TRPM5: variants seen among roughly 807,000 people sequenced by gnomAD.
TRPM5 encodes the protein transient receptor potential cation channel subfamily M member 5, also known as MLSN1 and TRP-related.
In TRPM5, 121 loss-of-function variants were observed where a neutral mutation model predicts 124.9. The ratio of observed to expected loss-of-function variants is 0.97; its 90% CI spans 0.84 to 1.13. TRPM5 has a LOEUF of 1.13. Among genes scored for constraint, TRPM5 ranks in the 50% most tolerant of loss-of-function variants. TRPM5 has a pLI of 0.00. For missense variants in TRPM5, 1,643 were observed against 1,589.1 expected (o/e 1.03, Z -0.58); for synonymous variants, 781 against 700.5 (o/e 1.11, Z -1.81).
intron 5 of TRPM5, 32 bp downstream of exon 10, chr11:2,418,495 G>T (rs769767087): frequency 6.3e-7 from 1 of 1,598,294 alleles, no homozygotes; most frequent in Admixed American, 1.7e-5. Flanking sequence ...ACAAGGCTTC[G>T]GCCAGCCAGG....
At chr11:2,411,851 G>GCAGGGC (rs1288997469) in intron 16 of TRPM5, 84 bp from the exon 22 acceptor site, 13 of 1,540,342 alleles carry the variant, frequency 8.4e-6, no homozygotes, top group Middle Eastern at 2.1e-4. Context: ...CTGGCTGCGG[G>GCAGGGC]CAGGGCCAGG....
At chr11:2,440,472 C>G in the TRPM5 span, among the ~76,000 whole-genome samples, 1 of 152,274 alleles carries the variant, frequency 6.6e-6, no homozygotes, top group East Asian at 1.9e-4. The surrounding 1 kb of genome is among the most constrained non-coding windows in gnomAD (Gnocchi z 5.2). Flanking sequence ...CACCCTGCCC[C>G]ATCTCCTACC....
chr11:2,411,414 C>T lies in TRPM5; in HGVS notation c.2720G>A (p.Arg907His), dbSNP rs1850448110. ...CAGGTAGGGCCGGTAGAGCACCCGG[C>T]GGAAGATCCACTCCAGGCGGCCGTC... is the stretch of plus-strand genomic sequence containing the variant. The change falls in exon 18 of 24, where the codon CGC becomes CAC. Residue 907 changes from arginine (R) to histidine (H), a missense_variant. By Grantham distance (29) the Arg-to-His change is conservative (BLOSUM62 0). Transcript: ENST00000155858. The T allele has an allele frequency of 2.5e-6, 4 of 1,611,982 alleles. No homozygotes were observed. In the African/African-American group the frequency reaches 4.0e-5, roughly 16 times the overall value.
chr11:2,414,694 C>T, intron 11 of TRPM5, 21 bp downstream of exon 16: 4 of 1,524,374 alleles, frequency 2.6e-6, no homozygotes, highest in Non-Finnish European at 3.5e-6. Flanking sequence ...GCGGGCCCGG[C>T]CCCAGCCGCC....
At chr11:2,406,928 G>C in intron 20 of TRPM5, 135 bp from the exon 26 acceptor site, 1 of 1,397,096 alleles carries the variant, frequency 7.2e-7, no homozygotes, top group Non-Finnish European at 9.6e-7. Flanking sequence ...GGGCAAGCAT[G>C]GCCCTGTGCA....
chr11:2,431,279 T>G, the TRPM5 span, among the ~76,000 whole-genome samples: 1 of 152,044 alleles, frequency 6.6e-6, no homozygotes, highest in African/African-American at 2.4e-5. Context: ...ATCCTAGTTC[T>G]GAGAGCGAGG....
At chr11:2,415,917 C>A (rs777778321) in exon 8 of TRPM5, 1 of 1,574,308 alleles carries the variant, frequency 6.4e-7, no homozygotes, top group Admixed American at 1.8e-5. Flanking sequence ...TTCCACTCCA[C>A]GTCCCCATTG....
Position 2,405,595 on chromosome 11 carries a change from T to C in TRPM5, c.3325-2A>G. On this transcript the variant is annotated splice_acceptor_variant, in intron 22 of 23. Coordinates refer to ENST00000155858, the Ensembl canonical transcript of TRPM5. LOFTEE classifies it high-confidence loss of function. The stretch of plus-strand genomic sequence containing the variant: ...CACGAGCACCGAGCAGTAGTTGATC[T>C]GGAGAAGGGAAACACGTCCGGGAAG... 1 of 1,560,736 alleles carries C rather than the reference T, an allele frequency of 6.4e-7. No homozygotes were observed. The highest frequency in any genetic ancestry group is 8.7e-7 in the Non-Finnish European group (1 of 1,151,926).
At chr11:2,443,378 C>CTG in the TRPM5 span, among the ~76,000 whole-genome samples, 74 of 152,334 alleles carry the variant, frequency 4.9e-4, no homozygotes, top group African/African-American at 1.3e-3. The surrounding 1 kb of genome is among the most constrained non-coding windows in gnomAD (Gnocchi z 5.0). Flanking sequence ...TGAATGCGTG[C>CTG]TGTGTGCCCT....
At chr11:2,405,424 C>T in intron 23 of TRPM5, 103 bp downstream of exon 28, 1 of 1,244,740 alleles carries the variant, frequency 8.0e-7, no homozygotes. Flanking sequence ...ACTCCCGGGC[C>T]AGGCAGGGAA....
At chr11:2,420,448 G>C in intron 3 of TRPM5, 43 bp from the exon 9 acceptor site, 1 of 1,487,626 alleles carries the variant, frequency 6.7e-7, no homozygotes, top group Non-Finnish European at 8.9e-7. Context: ...TCGAGAGGCA[G>C]CTTGGGCTGG....
chr11:2,421,917 G>C (rs1347655201), intron 2 of TRPM5, among the ~76,000 whole-genome samples: 1 of 152,130 alleles, frequency 6.6e-6, no homozygotes, highest in East Asian at 1.9e-4. Context: ...TACTGCAGAG[G>C]ACGGGCTGAG....
At chr11:2,416,058 G>T in intron 7 of TRPM5, 34 bp from the exon 13 acceptor site, 1 of 1,510,638 alleles carries the variant, frequency 6.6e-7, no homozygotes. Context: ...TGGTGAGGGT[G>T]GAGCTGAGGG....
chr11:2,424,124 C>A (rs1293766064), upstream of TRPM5, among the ~76,000 whole-genome samples: 1 of 152,264 alleles, frequency 6.6e-6, no homozygotes, highest in Non-Finnish European at 1.5e-5. Context: ...TCCCACAGGG[C>A]TGTCCCTTGG....
At chr11:2,436,676 C>A in the TRPM5 span, among the ~76,000 whole-genome samples, 3 of 152,196 alleles carry the variant, frequency 2.0e-5, no homozygotes, top group South Asian at 2.1e-4. Context: ...AGCAGAGGGG[C>A]CCGTGCTCCT....
upstream of TRPM5, among the ~76,000 whole-genome samples, chr11:2,425,585 G>GA (rs1845834067): frequency 6.6e-6 from 1 of 150,828 alleles, no homozygotes; most frequent in African/African-American, 2.4e-5. Context: ...ACTTAATGCA[G>GA]AACAGGCAGG....
intron 4 of TRPM5, among the ~76,000 whole-genome samples, chr11:2,419,157 G>A (rs1022467324): frequency 2.0e-5 from 3 of 152,176 alleles, no homozygotes; most frequent in Non-Finnish European, 2.9e-5. Context: ...GCTCGCAGGC[G>A]GGCCCCTGAC....
Position 2,407,924 on chromosome 11 carries a change from G to T in TRPM5, c.2783-12C>A, listed in dbSNP as rs1850356614. 6.2e-7 allele frequency: 1 copy of T among 1,612,332 alleles called. No homozygotes were observed. The highest frequency in any genetic ancestry group is 1.1e-5 in the South Asian group (1 of 90,990). The stretch of plus-strand genomic sequence containing the variant: ...GTTCACACGGGCTTCTGGAAAGCAA[G>T]GGTGCTGTGGGGACCAGACCGGGGG... On this transcript the variant is annotated splice_polypyrimidine_tract_variant and intron_variant, in intron 18 of 23. Transcript: ENST00000155858.
chr11:2,415,525 A>G, intron 8 of TRPM5, 54 bp from the exon 14 acceptor site: 2 of 1,246,554 alleles, frequency 1.6e-6, no homozygotes, highest in Non-Finnish European at 2.2e-6. Flanking sequence ...AGCGAGAGAC[A>G]GGAGGAGGGG....
Sources: allele counts gnomAD v4.1 joint callset (sites outside exome capture counted in the v4.1 genomes callset), GRCh38; gene constraint gnomAD v4.1.1; non-coding constraint Gnocchi (gnomAD v3.1); transcripts MANE v1.5; gene names NCBI Gene and HGNC (gene_info 2026-07-23, HGNC 2026-07-21).